Variants in ARMC12 observed in about 807,000 individuals in gnomAD.
ARMC12 encodes armadillo repeat containing 12.
Under a neutral mutation model 37.4 loss-of-function variants are expected in ARMC12, and 25 were observed. The ratio of observed to expected loss-of-function variants is 0.67; its 90% CI spans 0.49 to 0.93. The LOEUF (loss-of-function observed/expected upper bound fraction) is 0.93. Ranked by LOEUF, ARMC12 falls within the 40% of genes least tolerant of loss-of-function variation. The pLI, the probability that ARMC12 is intolerant of heterozygous loss-of-function variation, is 0.00. For missense variants in ARMC12, 384 were observed against 426.6 expected, an observed-to-expected ratio of 0.90 and a Z score of 0.88; for synonymous variants, 167 against 176.1, an observed-to-expected ratio of 0.95 and a Z score of 0.41.
chr6:35,734,561 G>C (rs1455462315), upstream of ARMC12, among the ~76,000 whole-genome samples: 1 of 152,204 alleles, frequency 6.6e-6, no homozygotes, highest in Non-Finnish European at 1.5e-5. Flanking sequence ...CCAGCCCTTT[G>C]GGAGGCCGAG....
intron 3 of ARMC12, among the ~76,000 whole-genome samples, 186 bp downstream of exon 3, chr6:35,738,704 A>T (rs1322967616): frequency 6.6e-6 from 1 of 152,112 alleles, no homozygotes; most frequent in African/African-American, 2.4e-5. Context: ...TTCAGGATGA[A>T]ACTGAATTGA....
At chr6:35,743,519 G>A (rs116402429) in intron 3 of ARMC12, among the ~76,000 whole-genome samples, 4,748 of 152,096 alleles carry the variant, frequency 0.031, 239 homozygotes, top group African/African-American at 0.1. Context: ...CGTCCTGCCC[G>A]CATCTTGCAT....
At chr6:35,737,484 C>T (rs1211615341) in intron 1 of ARMC12, 5 of 1,386,900 alleles carry the variant, frequency 3.6e-6, no homozygotes, top group Non-Finnish European at 4.8e-6. Context: ...CAAGTGGATC[C>T]TCAGACTCAT....
chr6:35,743,194 G>A lies in ARMC12; in HGVS notation c.445-4067G>A, dbSNP rs141418467. 6.1e-4 allele frequency among the ~76,000 whole-genome samples: 92 copies of A among 151,702 alleles called. 1 individual carries two copies. The East Asian group carries it at 0.017, about 28-fold the overall frequency. On this transcript the variant is annotated intron_variant, in intron 3 of 5. Transcript: ENST00000373866. ...CGTGAGGTTACCTGTCTTTGGTAAT[G>A]CCTCTAGGTCCAAGCATCTTACTTT...
At chr6:35,739,319 T>C (rs1452981337) in intron 3 of ARMC12, among the ~76,000 whole-genome samples, 1 of 152,262 alleles carries the variant, frequency 6.6e-6, no homozygotes, top group Non-Finnish European at 1.5e-5. Flanking sequence ...CTAAGCTATA[T>C]GTCTATGTGT....
chr6:35,740,125 T>C (rs901800471), intron 3 of ARMC12, among the ~76,000 whole-genome samples: 2 of 152,198 alleles, frequency 1.3e-5, no homozygotes, highest in African/African-American at 4.8e-5. Context: ...ATCAGATGTA[T>C]TTTTTATACT....
chr6:35,737,965 C>G (rs1561918925), intron 1 of ARMC12, 62 bp from the exon 2 acceptor site: 1 of 1,602,848 alleles, frequency 6.2e-7, no homozygotes, highest in Non-Finnish European at 8.5e-7. Context: ...CCCTACTTCC[C>G]AACCCCATTC....
At chr6:35,737,322 C>T (rs1766998291) in intron 1 of ARMC12, 51 bp downstream of exon 1, 4 of 1,614,108 alleles carry the variant, frequency 2.5e-6, no homozygotes, top group African/African-American at 2.7e-5. Flanking sequence ...GGCACCTGCT[C>T]CCGAGGCCTC....
At chr6:35,739,785 T>A (rs1767110248) in intron 3 of ARMC12, among the ~76,000 whole-genome samples, 1 of 152,214 alleles carries the variant, frequency 6.6e-6, no homozygotes, top group Non-Finnish European at 1.5e-5. Context: ...TGCCCTGCTG[T>A]TCCCAGCACC....
At chr6:35,733,036 GT>G, upstream of ARMC12, among the ~76,000 whole-genome samples, 1 of 152,216 alleles carries the variant, frequency 6.6e-6, no homozygotes, top group African/African-American at 2.4e-5. Context: ...GCCGGGCGTG[GT>G]GGTGCGTGCC....
chr6:35,744,227 C>T (rs1020165782), intron 3 of ARMC12, among the ~76,000 whole-genome samples: 2 of 151,942 alleles, frequency 1.3e-5, no homozygotes, highest in Non-Finnish European at 2.9e-5. Context: ...CTGCAACTTC[C>T]GCCTCCCGGG....
chr6:35,738,032 G>A lies in ARMC12; in HGVS notation c.169G>A (p.Ala57Thr). 1 of 1,613,078 alleles carries A rather than the reference G, an allele frequency of 6.2e-7. No individual in the cohort carries two copies. ...SNSPICIARL[A>T]VERERHGRDS... ...GGGCTGGGGTGGCTGTCTAGGCCTG[G>A]CAGTCGAGCGAGAGCGGCACGGGCG... is the stretch of plus-strand genomic sequence containing the variant. Residue 57 changes from alanine (A) to threonine (T), a missense_variant, in exon 2 of 6, where the codon GCA (alanine) becomes ACA (threonine). Physicochemically the swap from Ala to Thr is moderately conservative, Grantham distance 58. Transcript: ENST00000373866.
At chr6:35,743,406 T>C (rs535698126) in intron 3 of ARMC12, among the ~76,000 whole-genome samples, 5 of 152,086 alleles carry the variant, frequency 3.3e-5, no homozygotes, top group African/African-American at 1.2e-4. Context: ...GTAGTGGAGA[T>C]GGGGTTTCTC....
intron 4 of ARMC12, 47 bp from the exon 5 acceptor site, chr6:35,747,529 G>A (rs1171785815): frequency 1.2e-6 from 2 of 1,612,808 alleles, no homozygotes; most frequent in South Asian, 1.1e-5. Context: ...CCTTGCTGAG[G>A]CCCAGACTCA....
Position 35,748,925 on chromosome 6 carries a change from C to G in ARMC12, c.*55C>G. 6.6e-7 allele frequency: 1 copy of G among 1,513,428 alleles called. No individual in the cohort carries two copies. The highest frequency in any genetic ancestry group is 2.3e-5 in the East Asian group (1 of 43,466). 93.7% of individuals were successfully genotyped at this position (1,513,428 alleles called of 1,614,324 possible). A position where few individuals can be genotyped will look rare whatever the true frequency, so the allele number is the denominator to read the frequency against. Reference sequence around the variant, plus strand: ...GAGAGAAACTTGAAGTTTCTTGAAGCTCGAATGTCTGTTGGTGGCCTTCCA... The same window carrying G: ...GAGAGAAACTTGAAGTTTCTTGAAGGTCGAATGTCTGTTGGTGGCCTTCCA... On this transcript the variant is annotated 3_prime_UTR_variant, in exon 6 of 6. Coordinates refer to ENST00000373866, the MANE Select transcript of ARMC12 (RefSeq NM_001286574.2).
At chr6:35,747,220 T>C (rs1484992988) in intron 3 of ARMC12, 41 bp from the exon 4 acceptor site, 2 of 1,584,084 alleles carry the variant, frequency 1.3e-6, no homozygotes, top group South Asian at 1.2e-5. Context: ...ATAGTGGTGA[T>C]CACCTGTAAA....
At chr6:35,746,343 G>A (rs1455811485) in intron 3 of ARMC12, among the ~76,000 whole-genome samples, 1 of 152,178 alleles carries the variant, frequency 6.6e-6, no homozygotes, top group African/African-American at 2.4e-5. Flanking sequence ...ATATGTAAGA[G>A]GCCATTGTGA....
chr6:35,737,444 G>A, intron 1 of ARMC12, 173 bp downstream of exon 1: 1 of 1,562,044 alleles, frequency 6.4e-7, no homozygotes, highest in Non-Finnish European at 8.7e-7. Context: ...CCCTGCCAGA[G>A]ATGCTAGCTC....
At position 35,737,047 on chromosome 6, in the gene ARMC12, G is replaced by A. The variant is rs1470639318; in HGVS notation, c.-62G>A. The A allele has an allele frequency of 6.3e-6, 10 of 1,594,286 alleles. No homozygotes were observed. The highest frequency in any genetic ancestry group is 7.7e-6 in the Non-Finnish European group (9 of 1,168,874). ...TGACCCTGCCAGAGTTCTGGTTCCG[G>A]AAGGCCCCCCACAGGTGCCTTGGGC... On this transcript the variant is annotated 5_prime_UTR_variant, in exon 1 of 6. Coordinates refer to ENST00000373866, the MANE Select transcript of ARMC12 (RefSeq NM_001286574.2).
Sources: allele counts gnomAD v4.1 joint callset (sites outside exome capture counted in the v4.1 genomes callset), GRCh38; gene constraint gnomAD v4.1.1; transcripts MANE v1.5; gene names NCBI Gene and HGNC (gene_info 2026-07-23, HGNC 2026-07-21).